Variants in ERICH3 observed in about 807,000 individuals in gnomAD.
ERICH3 encodes glutamate-rich protein 3.
Under a neutral mutation model 131.1 loss-of-function variants are expected in ERICH3, and 126 were observed. The ratio of observed to expected loss-of-function variants is 0.96; its 90% CI spans 0.83 to 1.11. The LOEUF (loss-of-function observed/expected upper bound fraction) is 1.11. Ranked by LOEUF, ERICH3 falls within the 50% of genes most tolerant of loss-of-function variation. The pLI, the probability that ERICH3 is intolerant of heterozygous loss-of-function variation, is 0.00. For synonymous variants in ERICH3, 695 were observed against 644.6 expected, an observed-to-expected ratio of 1.08 and a Z score of -1.18; for missense variants, 2,050 against 1,810.7, an observed-to-expected ratio of 1.13 and a Z score of -2.40.
intron 1 of ERICH3, among the ~76,000 whole-genome samples, chr1:74,663,783 T>C (rs1199333858): frequency 6.6e-6 from 1 of 152,006 alleles, no homozygotes; most frequent in Non-Finnish European, 1.5e-5. Flanking sequence ...TACTAAAAAA[T>C]ATAATCACCT....
In ERICH3 at chr1:74,631,684, A is replaced by G. The variant is rs1646338859; in HGVS notation, c.819+29T>C. The stretch of plus-strand genomic sequence containing the variant: ...AGTGCAATGTAATCTGAGATAAATT[A>G]ATAAAAGAAAAATTTGTTCCATAAT... On this transcript the variant is annotated intron_variant, in intron 7 of 14. Transcript: ENST00000326665. The G allele has an allele frequency of 2.6e-6, 4 of 1,558,922 alleles. No homozygotes were observed. The South Asian group carries it at 3.3e-5, about 13-fold the overall frequency.
rs377323449 is a variant in ERICH3, at chr1:74,649,244, C to T, written c.95G>A (p.Arg32His). ...AGYFNNTRIR[R>H]HLLRSGLITR... is the part of the protein sequence containing the mutation. ...TACCAGTCCTGATCTTAAGAGATGA[C>T]GCCTTATCCTTGTATTGTTAAAATA... is the stretch of plus-strand genomic sequence containing the variant. The change falls in exon 2 of 15, where the codon CGT (arginine) becomes CAT (histidine). Residue 32 changes from arginine to histidine, a missense_variant. Coordinates refer to ENST00000326665, the MANE Select transcript of ERICH3 (RefSeq NM_001002912.5). 6.5e-5 allele frequency: 105 copies of T among 1,611,356 alleles called. No individual in the cohort carries two copies. The highest frequency in any genetic ancestry group is 1.7e-4 in the Middle Eastern group (1 of 6,036).
chr1:74,601,424 A>G (rs751673710), intron 10 of ERICH3, among the ~76,000 whole-genome samples: 3 of 151,930 alleles, frequency 2.0e-5, no homozygotes, highest in African/African-American at 7.2e-5. Flanking sequence ...ATGTAGGTAC[A>G]CAAGAAATAC....
chr1:74,624,028 C>T (rs916103449), intron 7 of ERICH3: 5 of 152,094 alleles, frequency 3.3e-5, no homozygotes, highest in Admixed American at 3.3e-4. Flanking sequence ...TCTTCATGCC[C>T]CCAGTAACTT....
At chr1:74,628,153 C>T (rs561870154) in intron 7 of ERICH3, among the ~76,000 whole-genome samples, 13 of 152,248 alleles carry the variant, frequency 8.5e-5, no homozygotes, top group African/African-American at 2.9e-4. Context: ...CATGTCCACA[C>T]GAGCAATTCA....
chr1:74,613,259 C>T (rs1334110166), intron 8 of ERICH3, among the ~76,000 whole-genome samples: 2 of 151,972 alleles, frequency 1.3e-5, no homozygotes, highest in African/African-American at 4.8e-5. Flanking sequence ...ATAATAATAC[C>T]TAAGGTTACA....
At position 74,673,751 on chromosome 1, in the gene ERICH3, G is replaced by T; in HGVS notation, c.-232C>A. ...CAGCTTCCCTGTTGCTAAGGGAGGA[G>T]AGAGGCAAGCGCCCAGGGTCTGGAG... is the stretch of plus-strand genomic sequence containing the variant. On this transcript the variant is annotated 5_prime_UTR_variant, in exon 1 of 15. Transcript: ENST00000326665. 2.4e-6 allele frequency: 1 copy of T among 409,274 alleles called. No homozygotes were observed. The allele number at this position is 409,274 out of a possible 1,614,324, so 25.4% of individuals were successfully genotyped here. A position where few individuals can be genotyped will look rare whatever the true frequency, so the allele number is the denominator to read the frequency against.
In ERICH3 at chr1:74,651,100, G is replaced by A. The variant is rs188019922; in HGVS notation, c.24-1785C>T. 3.5e-3 allele frequency among the ~76,000 whole-genome samples: 539 copies of A among 152,110 alleles called. 1 individual carries two copies. Among genetic ancestry groups the A allele is most frequent in the African/African-American group, 0.013 (520 of 41,492 alleles). On this transcript the variant is annotated intron_variant, in intron 1 of 14. Transcript: ENST00000326665. ...ACCACTAATCCTTAATTTATTCAAAGATCAGAGCAGGGACTCATATTATAG... is the reference window on the plus strand; with the variant it reads ...ACCACTAATCCTTAATTTATTCAAAAATCAGAGCAGGGACTCATATTATAG...
intron 10 of ERICH3, among the ~76,000 whole-genome samples, chr1:74,604,481 A>C (rs1050212226): frequency 6.6e-6 from 1 of 151,944 alleles, no homozygotes; most frequent in African/African-American, 2.4e-5. Context: ...GCCCTGATCC[A>C]TCAGAGGAAT....
chr1:74,593,968 G>A (rs942629363), intron 11 of ERICH3, among the ~76,000 whole-genome samples: 4 of 152,058 alleles, frequency 2.6e-5, no homozygotes, highest in Admixed American at 2.0e-4. Context: ...GTTACCACTT[G>A]AGACTGACAG....
At position 74,612,739 on chromosome 1, in the gene ERICH3, C is replaced by T. The variant is rs150709786; in HGVS notation, c.1071G>A (p.Met357Ile). Residue 357 changes from methionine (M) to isoleucine (I), a missense_variant, in exon 9 of 15, where the codon ATG becomes ATA. Met to Ile is a conservative substitution (Grantham distance 10). Coordinates refer to ENST00000326665, the MANE Select transcript of ERICH3 (RefSeq NM_001002912.5). ...AACAGGAGCTTAACCTGTTCACCTGCATCCCATTCAGGAAAAAGGTGAGAC... is the reference window on the plus strand; with the variant it reads ...AACAGGAGCTTAACCTGTTCACCTGTATCCCATTCAGGAAAAAGGTGAGAC... ...PFSLTFFLNGMQVNRLSSCCE... is the reference protein window; with the variant it reads ...PFSLTFFLNGIQVNRLSSCCE... 1.4e-3 allele frequency: 2,172 copies of T among 1,603,268 alleles called. 7 individuals are homozygous for T. The highest frequency in any genetic ancestry group is 3.3e-3 in the South Asian group (295 of 89,998).
At chr1:74,624,856 C>A (rs911129277) in intron 7 of ERICH3, 1 of 152,366 alleles carries the variant, frequency 6.6e-6, no homozygotes, top group African/African-American at 2.4e-5. Flanking sequence ...GCCTTAAACT[C>A]CTGGGCCCAA....
chr1:74,589,476 T>C (rs1570829646), intron 12 of ERICH3, 155 bp downstream of exon 12: 4 of 719,720 alleles, frequency 5.6e-6, no homozygotes, highest in South Asian at 1.9e-5. Context: ...TGAAAATACA[T>C]GTATGATTAT....
chr1:74,670,728 C>T (rs893713329), intron 1 of ERICH3, among the ~76,000 whole-genome samples: 3 of 152,094 alleles, frequency 2.0e-5, no homozygotes, highest in African/African-American at 7.2e-5. Flanking sequence ...AGAATAACAG[C>T]GATTTTTAGG....
At chr1:74,664,410 C>G (rs1276499359) in intron 1 of ERICH3, among the ~76,000 whole-genome samples, 5 of 151,352 alleles carry the variant, frequency 3.3e-5, no homozygotes, top group Admixed American at 1.3e-4. Flanking sequence ...TCAATCTAAA[C>G]AACAGAAACA....
chr1:74,653,947 G>T (rs1368263278), intron 1 of ERICH3, among the ~76,000 whole-genome samples: 1 of 152,070 alleles, frequency 6.6e-6, no homozygotes, highest in African/African-American at 2.4e-5. Context: ...GTGACCCTCT[G>T]CCTCAATTTT....
At chr1:74,666,165 G>A (rs1312273668) in intron 1 of ERICH3, among the ~76,000 whole-genome samples, 1 of 152,078 alleles carries the variant, frequency 6.6e-6, no homozygotes, top group Non-Finnish European at 1.5e-5. Context: ...AGAGCATGGG[G>A]AAACCATGCT....
At chr1:74,656,783 T>C (rs1013862880) in intron 1 of ERICH3, among the ~76,000 whole-genome samples, 2 of 152,150 alleles carry the variant, frequency 1.3e-5, no homozygotes, top group Admixed American at 6.6e-5. Context: ...AATAAATCAA[T>C]AAAGAACATG....
chr1:74,580,182 T>G (rs1230581655), intron 12 of ERICH3, among the ~76,000 whole-genome samples: 4 of 152,088 alleles, frequency 2.6e-5, no homozygotes, highest in African/African-American at 7.2e-5. Flanking sequence ...TTCCAAGTAT[T>G]TTTTACTCGA....
Sources: allele counts gnomAD v4.1 joint callset (sites outside exome capture counted in the v4.1 genomes callset), GRCh38; gene constraint gnomAD v4.1.1; transcripts MANE v1.5; gene names NCBI Gene and HGNC (gene_info 2026-07-23, HGNC 2026-07-21).